PDE10A: variants seen among roughly 807,000 people sequenced by gnomAD.
The protein encoded by PDE10A is cAMP and cAMP-inhibited cGMP 3',5'-cyclic phosphodiesterase 10A.
A neutral mutation model predicts 97.7 loss-of-function variants in PDE10A; 39 were observed. The ratio of observed to expected loss-of-function variants is 0.40; its 90% CI spans 0.31 to 0.52. The LOEUF is 0.52. PDE10A is among the 20% of genes least tolerant of loss of function. The pLI is 0.56. For synonymous variants in PDE10A, 371 were observed against 376.8 expected, an observed-to-expected ratio of 0.98 and a Z score of 0.18; for missense variants, 731 against 1,047.8, an observed-to-expected ratio of 0.70 and a Z score of 4.17.
chr6:165,583,302 C>T (rs986562155), intron 1 of PDE10A, among the ~76,000 whole-genome samples: 14 of 152,172 alleles, frequency 9.2e-5, no homozygotes. Flanking sequence ...TCCTCTTTAA[C>T]GTATATTCTC....
intron 17 of PDE10A, among the ~76,000 whole-genome samples, chr6:165,384,919 G>A (rs1785192181): frequency 6.6e-6 from 1 of 152,072 alleles, no homozygotes; most frequent in South Asian, 2.1e-4. Flanking sequence ...AATTGCTTAC[G>A]TCCTATCTGT....
intron 5 of PDE10A, among the ~76,000 whole-genome samples, chr6:165,444,925 A>G (rs1790731798): frequency 6.6e-6 from 1 of 152,136 alleles, no homozygotes; most frequent in Non-Finnish European, 1.5e-5. Flanking sequence ...GTATTTGTTG[A>G]TAGGGACAGA....
intron 1 of PDE10A, among the ~76,000 whole-genome samples, chr6:165,861,402 A>T (rs2128476762): frequency 6.6e-6 from 1 of 150,646 alleles, no homozygotes. Flanking sequence ...GGGGGGCGCT[A>T]TGGAGGCAAC....
intron 1 of PDE10A, among the ~76,000 whole-genome samples, chr6:165,728,704 A>G (rs973657127): frequency 6.6e-6 from 1 of 152,158 alleles, no homozygotes; most frequent in Non-Finnish European, 1.5e-5. Flanking sequence ...ATATTCTGAT[A>G]TAAGACACCA....
intron 1 of PDE10A, among the ~76,000 whole-genome samples, chr6:165,809,883 A>T (rs188831086): frequency 6.6e-6 from 1 of 152,266 alleles, no homozygotes; most frequent in Admixed American, 6.5e-5. Flanking sequence ...AAGCCCACAA[A>T]CACTTCCAAA....
At chr6:165,428,784 C>A in intron 9 of PDE10A, 75 bp from the exon 10 acceptor site, 1 of 581,710 alleles carries the variant, frequency 1.7e-6, no homozygotes, top group East Asian at 3.2e-5. Flanking sequence ...AATTCATTTC[C>A]TGGTTTTGTC....
chr6:165,590,480 C>T (rs1280148991), intron 1 of PDE10A, among the ~76,000 whole-genome samples: 1 of 152,214 alleles, frequency 6.6e-6, no homozygotes, highest in Non-Finnish European at 1.5e-5. Context: ...ATGTACTTTT[C>T]ATTTTGACCC....
intron 2 of PDE10A, among the ~76,000 whole-genome samples, chr6:165,486,853 C>T (rs146336366): frequency 0.029 from 4,367 of 152,270 alleles, 84 homozygotes; most frequent in Middle Eastern, 0.071. Context: ...GTGTTCAAGT[C>T]GGCAGATAAA....
intron 1 of PDE10A, among the ~76,000 whole-genome samples, chr6:165,710,776 G>C (rs1472863184): frequency 6.6e-6 from 1 of 152,172 alleles, no homozygotes; most frequent in Non-Finnish European, 1.5e-5. Context: ...TATTAATCAA[G>C]AAAGTACCCA....
intron 3 of PDE10A, among the ~76,000 whole-genome samples, chr6:165,452,681 A>G (rs895046478): frequency 9.2e-5 from 14 of 152,270 alleles, no homozygotes; most frequent in African/African-American, 3.4e-4. Context: ...TTCTTTATAA[A>G]TTACCTAGTC....
intron 1 of PDE10A, among the ~76,000 whole-genome samples, chr6:165,945,554 G>A (rs527248933): frequency 6.6e-6 from 1 of 152,284 alleles, no homozygotes; most frequent in East Asian, 1.9e-4. Flanking sequence ...TAGCCTTCAT[G>A]AATGGGATTG....
At chr6:165,824,819 G>C (rs766764443) in intron 1 of PDE10A, among the ~76,000 whole-genome samples, 1 of 151,900 alleles carries the variant, frequency 6.6e-6, no homozygotes, top group Non-Finnish European at 1.5e-5. Context: ...TTTGAACACT[G>C]TTGCATTGTA....
At chr6:165,594,354 G>A (rs149388771) in intron 1 of PDE10A, among the ~76,000 whole-genome samples, 2 of 152,264 alleles carry the variant, frequency 1.3e-5, no homozygotes, top group South Asian at 2.1e-4. Flanking sequence ...ACGCATACTG[G>A]CCAAATCTGG....
intron 1 of PDE10A, among the ~76,000 whole-genome samples, chr6:165,952,998 T>G (rs1024420734): frequency 6.6e-6 from 1 of 152,156 alleles, no homozygotes; most frequent in African/African-American, 2.4e-5. Flanking sequence ...TAGAGGAAAT[T>G]CTGAAGTGAA....
Position 165,373,818 on chromosome 6 carries a change from C to G in PDE10A, c.2783+5376G>C, listed in dbSNP as rs868483342. ...GCGGCACTATTCACTATAGCAAAGA[C>G]TTGGAACAAACCCAAATGTCCAACA... On this transcript the variant is annotated intron_variant, in intron 18 of 21. Transcript: ENST00000539869. Among the ~76,000 whole-genome samples the G allele has an allele frequency of 1.9e-4, 29 of 151,982 alleles. 1 individual carries two copies. Among genetic ancestry groups the G allele is most frequent in the Admixed American group, 1.3e-4 (2 of 15,270 alleles).
intron 2 of PDE10A, among the ~76,000 whole-genome samples, chr6:165,505,804 G>C (rs1175546112): frequency 6.6e-6 from 1 of 152,056 alleles, no homozygotes; most frequent in Admixed American, 6.6e-5. Context: ...ACTCCAGTCT[G>C]ATTTCACCAT....
At chr6:165,877,531 T>C (rs1183914741) in intron 1 of PDE10A, among the ~76,000 whole-genome samples, 1 of 152,182 alleles carries the variant, frequency 6.6e-6, no homozygotes, top group Non-Finnish European at 1.5e-5. Flanking sequence ...TGACAAAAAA[T>C]TGTATAGATA....
intron 2 of PDE10A, among the ~76,000 whole-genome samples, chr6:165,508,933 C>G (rs571188222): frequency 6.6e-6 from 1 of 152,064 alleles, no homozygotes; most frequent in Admixed American, 6.6e-5. Flanking sequence ...TAAATCAGAC[C>G]CCTGCACCTA....
chr6:165,578,784 A>G (rs1037078935), intron 1 of PDE10A, among the ~76,000 whole-genome samples: 4 of 152,136 alleles, frequency 2.6e-5, no homozygotes, highest in African/African-American at 9.7e-5. Flanking sequence ...TCATGCATCT[A>G]TTGCGCCTCT....
Sources: allele counts gnomAD v4.1 joint callset (sites outside exome capture counted in the v4.1 genomes callset), GRCh38; gene constraint gnomAD v4.1.1; transcripts MANE v1.5; gene names NCBI Gene and HGNC (gene_info 2026-07-23, HGNC 2026-07-21).